The following MACROD2 variants were observed in gnomAD, a reference collection of about 807,000 sequenced individuals.
MACROD2 encodes ADP-ribose glycohydrolase MACROD2.
A neutral mutation model predicts 70.4 loss-of-function variants in MACROD2; 36 were observed. The ratio of observed to expected loss-of-function variants is 0.51; its 90% CI spans 0.39 to 0.68. The LOEUF (loss-of-function observed/expected upper bound fraction) is 0.68, where lower values mean the gene tolerates loss of function less well. MACROD2 is among the 30% of genes least tolerant of loss of function. MACROD2 has a pLI of 0.00. For synonymous variants in MACROD2, 172 were observed against 178.8 expected, an observed-to-expected ratio of 0.96 and a Z score of 0.30; for missense variants, 496 against 538.4, an observed-to-expected ratio of 0.92 and a Z score of 0.78.
chr20:14,738,124 T>A (rs1205627126), intron 5 of MACROD2, among the ~76,000 whole-genome samples: 2 of 152,078 alleles, frequency 1.3e-5, no homozygotes, highest in African/African-American at 4.8e-5. Context: ...GATAGAAATT[T>A]GAGAATGAAA....
At chr20:15,659,304 C>CTTTTT (rs11468344) in intron 8 of MACROD2, among the ~76,000 whole-genome samples, 6 of 67,266 alleles carry the variant, frequency 8.9e-5, no homozygotes, top group African/African-American at 2.4e-4. Context: ...GATAGCACAG[C>CTTTTT]TTTTTTTTTT....
At position 14,328,286 on chromosome 20, in the gene MACROD2, T is replaced by C. The variant is rs539691332; in HGVS notation, c.272-165193T>C. ...CATCCAGCTAACCTAAGTGGAAAAT[T>C]TCACTTCATATTAAATTCTGTCTTT... On this transcript the variant is annotated intron_variant, in intron 3 of 17. Transcript: ENST00000684519. Among the ~76,000 whole-genome samples the C allele has an allele frequency of 5.3e-5, 8 of 152,240 alleles. No individual in the cohort carries two copies. In the South Asian group the frequency reaches 1.4e-3, roughly 28 times the overall value.
intron 3 of MACROD2, among the ~76,000 whole-genome samples, chr20:14,126,574 GTTGGCACTGT>G (rs2054653796): frequency 6.6e-6 from 1 of 152,132 alleles, no homozygotes; most frequent in Admixed American, 6.5e-5. Context: ...GAGCAAATCT[GTTGGCACTGT>G]TTTTTCCAAT....
chr20:14,718,075 A>G (rs527303400), intron 5 of MACROD2, among the ~76,000 whole-genome samples: 3 of 152,018 alleles, frequency 2.0e-5, no homozygotes, highest in Non-Finnish European at 4.4e-5. Flanking sequence ...TGGGCAGATC[A>G]TGAGGTCAGG....
chr20:14,509,968 C>T lies in MACROD2; in HGVS notation c.301+16460C>T, dbSNP rs560455195. ...GATATTAAAGTTGCAAATTTTACTT[C>T]AGCCCAATATATTTATATTCCCTTT... is the stretch of plus-strand genomic sequence containing the variant. On this transcript the variant is annotated intron_variant, in intron 4 of 17. Coordinates refer to ENST00000684519, the MANE Select transcript of MACROD2 (RefSeq NM_001351661.2). Among the ~76,000 whole-genome samples, 7 of 152,088 alleles carry T rather than the reference C, an allele frequency of 4.6e-5. No individual in the cohort carries two copies. In the South Asian group the frequency reaches 1.5e-3, roughly 32 times the overall value.
intron 5 of MACROD2, among the ~76,000 whole-genome samples, chr20:15,009,138 C>T (rs1437856811): frequency 6.6e-6 from 1 of 152,124 alleles, no homozygotes; most frequent in Non-Finnish European, 1.5e-5. Context: ...AGGAAAAAGC[C>T]AGCAAATGTA....
chr20:14,940,924 A>G (rs935897318), intron 5 of MACROD2, among the ~76,000 whole-genome samples: 5 of 143,242 alleles, frequency 3.5e-5, no homozygotes, highest in Admixed American at 3.4e-4. Flanking sequence ...GAGTTTGGAT[A>G]TATTCCCTCT....
At chr20:15,032,158 G>A (rs1326047240) in intron 5 of MACROD2, among the ~76,000 whole-genome samples, 1 of 152,206 alleles carries the variant, frequency 6.6e-6, no homozygotes, top group Non-Finnish European at 1.5e-5. Flanking sequence ...GCCGGAGGGC[G>A]GGAGCAGGCA....
chr20:15,039,944 C>T (rs1464097657), intron 5 of MACROD2, among the ~76,000 whole-genome samples: 2 of 152,110 alleles, frequency 1.3e-5, no homozygotes, highest in Non-Finnish European at 2.9e-5. Context: ...TTGCTTCCTT[C>T]CACACCTTCC....
At chr20:14,705,536 T>G (rs764332251) in intron 5 of MACROD2, among the ~76,000 whole-genome samples, 1 of 152,118 alleles carries the variant, frequency 6.6e-6, no homozygotes, top group African/African-American at 2.4e-5. Context: ...AGACTTGTGG[T>G]TCTTAGTGAC....
chr20:14,045,196 G>A lies in MACROD2; in HGVS notation c.164-40425G>A, dbSNP rs550064839. 1.2e-4 allele frequency among the ~76,000 whole-genome samples: 18 copies of A among 152,344 alleles called. 1 individual carries two copies. In the South Asian group the frequency reaches 2.3e-3, roughly 19 times the overall value. On this transcript the variant is annotated intron_variant, in intron 2 of 17. Coordinates refer to ENST00000684519, the MANE Select transcript of MACROD2 (RefSeq NM_001351661.2). Reference sequence around the variant, plus strand: ...CACCTCCCTGCAAGCTGAGGGAGCCGGCTCCGGCCTTGGCCAGCCCAGAAA... The same window carrying A: ...CACCTCCCTGCAAGCTGAGGGAGCCAGCTCCGGCCTTGGCCAGCCCAGAAA...
intron 3 of MACROD2, among the ~76,000 whole-genome samples, chr20:14,492,954 G>A (rs142833167): frequency 0.015 from 2,308 of 152,024 alleles, 68 homozygotes; most frequent in African/African-American, 0.053. Context: ...ATTGTTTAAC[G>A]TTTATTTCTT....
intron 8 of MACROD2, among the ~76,000 whole-genome samples, chr20:15,565,762 T>C (rs1485956474): frequency 1.3e-5 from 2 of 152,160 alleles, no homozygotes; most frequent in African/African-American, 4.8e-5. Context: ...TTTTTAATTT[T>C]AATATTTTAC....
At chr20:15,867,883 C>A (rs1361694836) in intron 9 of MACROD2, among the ~76,000 whole-genome samples, 2 of 152,154 alleles carry the variant, frequency 1.3e-5, no homozygotes, top group Non-Finnish European at 2.9e-5. Flanking sequence ...TTGTTTACTG[C>A]AATGGTTCTC....
intron 6 of MACROD2, among the ~76,000 whole-genome samples, chr20:15,332,795 C>T (rs1354980781): frequency 2.0e-5 from 3 of 151,620 alleles, no homozygotes; most frequent in African/African-American, 7.3e-5. Flanking sequence ...ATATGAGTGT[C>T]CTTTTCTGTT....
At chr20:15,532,317 T>C (rs1286332771) in intron 8 of MACROD2, among the ~76,000 whole-genome samples, 1 of 152,190 alleles carries the variant, frequency 6.6e-6, no homozygotes, top group Non-Finnish European at 1.5e-5. Context: ...TGTATTTTGC[T>C]TTGCTAAATC....
intron 6 of MACROD2, among the ~76,000 whole-genome samples, chr20:15,351,597 C>G (rs2078227431): frequency 6.6e-6 from 1 of 152,126 alleles, no homozygotes; most frequent in Admixed American, 6.6e-5. Flanking sequence ...TCCTTTCCCT[C>G]TAAAAAGTCA....
At chr20:14,700,213 C>A (rs1364303392) in intron 5 of MACROD2, among the ~76,000 whole-genome samples, 1 of 151,560 alleles carries the variant, frequency 6.6e-6, no homozygotes, top group African/African-American at 2.4e-5. Context: ...GTGTGTGTCT[C>A]TGTGTGTAAT....
At chr20:16,040,623 G>A (rs6034354) in intron 15 of MACROD2, among the ~76,000 whole-genome samples, 31,057 of 151,792 alleles carry the variant, frequency 0.2, 3,812 homozygotes, top group African/African-American at 0.34. Flanking sequence ...TGTGCAAATA[G>A]AGGCCAGTCA....
Sources: gnomAD v4.1 joint callset for allele counts (sites outside exome capture counted in the v4.1 genomes callset) on GRCh38, gnomAD v4.1.1 for gene constraint, MANE v1.5 for transcripts, NCBI Gene and HGNC (gene_info 2026-07-23, HGNC 2026-07-21) for gene names.